The following NEBL variants were observed in gnomAD, a reference collection of about 807,000 sequenced individuals.
The protein encoded by NEBL is nebulette.
In NEBL, 122 loss-of-function variants were observed where a neutral mutation model predicts 140.2. The ratio of observed to expected loss-of-function variants is 0.87; its 90% confidence interval spans 0.75 to 1.01. The LOEUF is 1.01. Ranked by LOEUF, NEBL falls within the 50% of genes least tolerant of loss-of-function variation. The pLI, the probability that NEBL is intolerant of heterozygous loss-of-function variation, is 0.00. For missense variants in NEBL, 1,365 were observed against 1,231.3 expected (o/e 1.11, Z -1.62); for synonymous variants, 436 against 398.9 (o/e 1.09, Z -1.11).
chr10:21,163,600 G>C (rs780678563), intron 2 of NEBL, among the ~76,000 whole-genome samples: 9 of 152,190 alleles, frequency 5.9e-5, no homozygotes, highest in African/African-American at 2.2e-4. Flanking sequence ...CCTTGGCTGA[G>C]TTCAGTCATC....
At chr10:21,013,675 C>T (rs1294717136) in intron 3 of NEBL, among the ~76,000 whole-genome samples, 2 of 152,068 alleles carry the variant, frequency 1.3e-5, no homozygotes, top group African/African-American at 4.8e-5. Context: ...GTCAGGAGTT[C>T]GAGACCAGCC....
chr10:21,030,926 T>G, intron 2 of NEBL: 1 of 246,176 alleles, frequency 4.1e-6, no homozygotes, highest in Non-Finnish European at 8.0e-6. Flanking sequence ...AGAGCAGGCC[T>G]GGCTACAAAT....
chr10:21,175,850 A>T (rs1191751309), upstream of NEBL, among the ~76,000 whole-genome samples: 1 of 152,264 alleles, frequency 6.6e-6, no homozygotes, highest in Non-Finnish European at 1.5e-5. Flanking sequence ...TTACATTTTC[A>T]TAACTGTAGA....
intron 20 of NEBL, 64 bp from the exon 21 acceptor site, chr10:20,817,756 G>T: frequency 7.7e-7 from 1 of 1,297,372 alleles, no homozygotes; most frequent in South Asian, 1.2e-5. Context: ...TACCACAAAG[G>T]ACAAGGCTCA....
intron 17 of NEBL, among the ~76,000 whole-genome samples, chr10:20,826,795 T>G (rs1035625399): frequency 6.6e-6 from 1 of 152,212 alleles, no homozygotes. Context: ...CTGCAGATTA[T>G]TTGCTTTAAG....
At chr10:20,933,044 G>T (rs1050562575) in intron 4 of NEBL, among the ~76,000 whole-genome samples, 1 of 151,906 alleles carries the variant, frequency 6.6e-6, no homozygotes, top group Non-Finnish European at 1.5e-5. Flanking sequence ...TTCAGAAAAT[G>T]CATGCACAAG....
intron 2 of NEBL, chr10:21,126,221 G>T: frequency 8.1e-7 from 1 of 1,235,890 alleles, no homozygotes; most frequent in Non-Finnish European, 1.1e-6. Flanking sequence ...CTACATTGCT[G>T]GTTATGTTTC....
chr10:20,833,580 T>C (rs1840616387), intron 14 of NEBL, among the ~76,000 whole-genome samples: 1 of 152,090 alleles, frequency 6.6e-6, no homozygotes, highest in South Asian at 2.1e-4. Flanking sequence ...TGGATGTGAC[T>C]GGAAACCATT....
At chr10:21,054,968 C>T (rs553008322) in intron 2 of NEBL, among the ~76,000 whole-genome samples, 29 of 152,212 alleles carry the variant, frequency 1.9e-4, no homozygotes, top group African/African-American at 6.7e-4. Flanking sequence ...GTTTTTAAAG[C>T]GTTCTTACTT....
At chr10:20,968,425 T>C (rs1442489879) in intron 3 of NEBL, among the ~76,000 whole-genome samples, 1 of 151,768 alleles carries the variant, frequency 6.6e-6, no homozygotes, top group Non-Finnish European at 1.5e-5. Flanking sequence ...ACAGGAGGAA[T>C]ACCTCAGCCC....
intron 4 of NEBL, 21 bp downstream of exon 4, chr10:20,888,076 A>G (rs1441010426): frequency 1.3e-6 from 2 of 1,495,776 alleles, no homozygotes; most frequent in Non-Finnish European, 1.9e-6. Context: ...AAAATCATGA[A>G]ACACTTTAGA....
At chr10:20,820,933 A>T (rs1183517864) in intron 19 of NEBL, among the ~76,000 whole-genome samples, 1 of 152,206 alleles carries the variant, frequency 6.6e-6, no homozygotes, top group African/African-American at 2.4e-5. Flanking sequence ...GAATAAGTTT[A>T]AAAAATAAAT....
At chr10:21,214,597 A>G (rs1841965352) in intron 3 of NEBL, among the ~76,000 whole-genome samples, 1 of 150,796 alleles carries the variant, frequency 6.6e-6, no homozygotes, top group African/African-American at 2.4e-5. Context: ...TTACACACAC[A>G]TATACACATG....
chr10:20,858,237 T>TA lies in NEBL; in HGVS notation c.903+2dup, dbSNP rs1473850704. On this transcript the variant is annotated splice_region_variant and intron_variant, in intron 9 of 27. Transcript: ENST00000377122. ...TACGGTTGCCGCTAGATGAACCACTTACGCCGCTGAGCATTTTGCTGGCTT... is the reference window on the plus strand; with the variant it reads ...TACGGTTGCCGCTAGATGAACCACTTAACGCCGCTGAGCATTTTGCTGGCTT... 3 of 1,593,588 alleles carry TA rather than the reference T, an allele frequency of 1.9e-6. No homozygotes were observed. The highest frequency in any genetic ancestry group is 2.2e-5 in the East Asian group (1 of 44,716).
At chr10:21,182,081 G>T (rs556568519) in intron 3 of NEBL, among the ~76,000 whole-genome samples, 3 of 152,074 alleles carry the variant, frequency 2.0e-5, no homozygotes, top group African/African-American at 7.2e-5. Context: ...ATGGCGGAGG[G>T]CTAAGACTCA....
intron 5 of NEBL, among the ~76,000 whole-genome samples, chr10:20,871,928 T>C (rs938414588): frequency 6.6e-6 from 1 of 152,172 alleles, no homozygotes; most frequent in Non-Finnish European, 1.5e-5. Flanking sequence ...ATACAAGCTG[T>C]GTAAACAAAA....
At chr10:20,973,767 C>T (rs1479148900) in intron 3 of NEBL, among the ~76,000 whole-genome samples, 1 of 152,222 alleles carries the variant, frequency 6.6e-6, no homozygotes, top group African/African-American at 2.4e-5. Context: ...GGAACTAGAA[C>T]CCAAAGTCTG....
intron 16 of NEBL, among the ~76,000 whole-genome samples, chr10:20,829,557 A>G (rs12247681): frequency 0.39 from 59,238 of 151,432 alleles, 11,867 homozygotes; most frequent in East Asian, 0.61. Context: ...TGCACATTGT[A>G]CACATGTACC....
At chr10:20,899,924 A>G (rs757563065), upstream of NEBL, among the ~76,000 whole-genome samples, 8 of 152,180 alleles carry the variant, frequency 5.3e-5, no homozygotes, top group Admixed American at 2.0e-4. Context: ...CACCTATAAT[A>G]TAAAATTCAT....
Sources: gnomAD v4.1 joint callset for allele counts (sites outside exome capture counted in the v4.1 genomes callset) on GRCh38, gnomAD v4.1.1 for gene constraint, MANE v1.5 for transcripts, NCBI Gene and HGNC (gene_info 2026-07-23, HGNC 2026-07-21) for gene names.